RIMS1: variants seen among roughly 807,000 people sequenced by gnomAD.
RIMS1 encodes regulating synaptic membrane exocytosis protein 1.
Under a neutral mutation model 214.1 loss-of-function variants are expected in RIMS1, and 83 were observed. The observed-to-expected ratio is 0.39, with a 90% CI of 0.32 to 0.47. RIMS1 has a LOEUF of 0.47. RIMS1 is among the 20% of genes least tolerant of loss of function. The pLI, the probability that RIMS1 is intolerant of heterozygous loss-of-function variation, is 0.99. For missense variants in RIMS1, 2,050 were observed against 2,161.8 expected (o/e 0.95, Z 1.03); for synonymous variants, 793 against 786.8 (o/e 1.01, Z -0.13).
chr6:71,903,512 T>C (rs1774353030), intron 1 of RIMS1, among the ~76,000 whole-genome samples: 1 of 152,132 alleles, frequency 6.6e-6, no homozygotes, highest in Admixed American at 6.6e-5. Flanking sequence ...TGGGATCTAA[T>C]TAAACTAAAG....
intron 1 of RIMS1, among the ~76,000 whole-genome samples, chr6:71,891,432 TGGAAA>T (rs1769847140): frequency 6.6e-6 from 1 of 152,230 alleles, no homozygotes; most frequent in African/African-American, 2.4e-5. Flanking sequence ...ACTTTTTTCC[TGGAAA>T]GGAGAGAGAA....
chr6:72,214,465 A>G (rs866077087), intron 6 of RIMS1, among the ~76,000 whole-genome samples: 15 of 152,234 alleles, frequency 9.9e-5, no homozygotes, highest in Admixed American at 5.9e-4. Flanking sequence ...CACTTTGGGG[A>G]ACTCACGGTA....
chr6:71,929,020 T>C (rs1411580812), intron 1 of RIMS1, among the ~76,000 whole-genome samples: 1 of 152,150 alleles, frequency 6.6e-6, no homozygotes, highest in Non-Finnish European at 1.5e-5. Context: ...GGTAAGAGAC[T>C]GAAAGGCTTC....
At chr6:72,173,712 C>G (rs1197809827) in intron 4 of RIMS1, among the ~76,000 whole-genome samples, 1 of 152,026 alleles carries the variant, frequency 6.6e-6, no homozygotes, top group Non-Finnish European at 1.5e-5. Flanking sequence ...TAGCCTTTCT[C>G]TTTAATGTTA....
intron 2 of RIMS1, among the ~76,000 whole-genome samples, chr6:72,092,311 T>TCCTTCCTTCCTTCCTTCCTTCCTTCCTC (rs1836503584): frequency 7.1e-6 from 1 of 141,618 alleles, no homozygotes; most frequent in Non-Finnish European, 1.5e-5. Flanking sequence ...CTTCCTTCCT[T>TCCTTCCTTCCTTCCTTCCTTCCTTCCTC]CCTTCCTTCC....
chr6:71,959,609 T>C (rs755988600), intron 1 of RIMS1, among the ~76,000 whole-genome samples: 1 of 148,148 alleles, frequency 6.8e-6, no homozygotes, highest in Non-Finnish European at 1.5e-5. Context: ...TTTTTATCCT[T>C]TTTTTTTTTA....
intron 6 of RIMS1, chr6:72,217,079 T>C (rs2056420680): frequency 6.7e-7 from 1 of 1,500,862 alleles, no homozygotes; most frequent in African/African-American, 1.4e-5. Context: ...ATTTAAAATG[T>C]TGTATTTTGG....
chr6:72,248,221 A>C (rs2154129554), intron 12 of RIMS1, 94 bp downstream of exon 12: 5 of 682,468 alleles, frequency 7.3e-6, no homozygotes, highest in East Asian at 5.1e-5. Flanking sequence ...TGAAGCCTGC[A>C]ATAAATACAT....
chr6:72,087,231 T>C (rs1834894574), intron 2 of RIMS1, among the ~76,000 whole-genome samples: 2 of 152,228 alleles, frequency 1.3e-5, no homozygotes, highest in Non-Finnish European at 2.9e-5. Flanking sequence ...TTATAACCCA[T>C]GATACCAGCC....
At chr6:72,085,963 C>T (rs1458586417) in intron 2 of RIMS1, among the ~76,000 whole-genome samples, 1 of 152,122 alleles carries the variant, frequency 6.6e-6, no homozygotes, top group African/African-American at 2.4e-5. Flanking sequence ...CCTAAATTTT[C>T]CCATTTATAA....
chr6:72,098,743 A>G (rs896411216), intron 3 of RIMS1, among the ~76,000 whole-genome samples: 5 of 152,230 alleles, frequency 3.3e-5, no homozygotes, highest in Admixed American at 6.5e-5. Flanking sequence ...AAAAATAACT[A>G]AAATCTAGGT....
chr6:71,999,818 T>C (rs145933044), intron 2 of RIMS1, among the ~76,000 whole-genome samples: 17 of 152,252 alleles, frequency 1.1e-4, no homozygotes, highest in African/African-American at 3.8e-4. Context: ...TCATCTTTTG[T>C]AGTCAGCACA....
Position 72,317,047 on chromosome 6 carries a change from C to T in RIMS1, c.4130+3375C>T. 3 of 420,576 alleles carry T rather than the reference C, an allele frequency of 7.1e-6. 1 individual carries two copies. Among genetic ancestry groups the T allele is most frequent in the South Asian group, 6.0e-5 (3 of 49,708 alleles). 26.1% of individuals were successfully genotyped at this position (420,576 alleles called of 1,614,324 possible). ...GGGGCTGGGAAGAGGGCAGAGAGGC[C>T]ACAGAGGCCTCTCAGAGGAGGGCAG... is the stretch of plus-strand genomic sequence containing the variant. On this transcript the variant is annotated intron_variant, in intron 28 of 33. Transcript: ENST00000521978.
At chr6:71,955,868 T>C (rs193215866) in intron 1 of RIMS1, among the ~76,000 whole-genome samples, 69 of 152,262 alleles carry the variant, frequency 4.5e-4, no homozygotes, top group Middle Eastern at 3.4e-3. Context: ...GTAAGGGGGT[T>C]ATTTTGAGTT....
chr6:71,996,960 T>A (rs1421986790), intron 2 of RIMS1, among the ~76,000 whole-genome samples: 1 of 152,230 alleles, frequency 6.6e-6, no homozygotes, highest in African/African-American at 2.4e-5. Flanking sequence ...GTAACTGCTC[T>A]ATAATCATAA....
At chr6:72,231,845 T>C (rs749547611) in intron 6 of RIMS1, among the ~76,000 whole-genome samples, 10 of 151,604 alleles carry the variant, frequency 6.6e-5, no homozygotes, top group Admixed American at 1.3e-4. Context: ...ATATGGTGGT[T>C]CAACTCCATG....
intron 1 of RIMS1, among the ~76,000 whole-genome samples, chr6:71,927,964 A>G (rs1782007339): frequency 6.6e-6 from 1 of 152,158 alleles, no homozygotes; most frequent in Non-Finnish European, 1.5e-5. Flanking sequence ...CATATTTTTC[A>G]TAAGCTAGAA....
chr6:71,964,191 G>A (rs545910067), intron 1 of RIMS1, among the ~76,000 whole-genome samples: 2 of 152,282 alleles, frequency 1.3e-5, no homozygotes, highest in Admixed American at 1.3e-4. Flanking sequence ...AGTCATACCA[G>A]TATTGGGAAG....
intron 10 of RIMS1, among the ~76,000 whole-genome samples, chr6:72,245,102 A>T (rs2068818991): frequency 1.3e-5 from 2 of 151,894 alleles, no homozygotes; most frequent in Non-Finnish European, 2.9e-5. Context: ...TTAAGTTGAG[A>T]TTATAGTACA....
Sources: allele counts gnomAD v4.1 joint callset (sites outside exome capture counted in the v4.1 genomes callset), GRCh38; gene constraint gnomAD v4.1.1; transcripts MANE v1.5; gene names NCBI Gene and HGNC (gene_info 2026-07-23, HGNC 2026-07-21).